Variants in NXN observed in about 807,000 individuals in gnomAD.
The protein encoded by NXN is nucleoredoxin 1.
Under a neutral mutation model 48.6 loss-of-function variants are expected in NXN, and 16 were observed. That is an observed-to-expected ratio of 0.33 (90% CI 0.22 to 0.50). NXN has a LOEUF of 0.50. NXN is among the 20% of genes least tolerant of loss of function. The pLI is 0.98. For missense variants in NXN, 492 were observed against 605.5 expected (o/e 0.81, Z 1.97); for synonymous variants, 281 against 269.6 (o/e 1.04, Z -0.41).
intron 1 of NXN, among the ~76,000 whole-genome samples, chr17:891,786 A>G (rs495514): frequency 5.5e-5 from 4 of 72,614 alleles, no homozygotes; most frequent in East Asian, 3.4e-4. Flanking sequence ...GCAGAACCCA[A>G]CAGGGAACCT....
In NXN at chr17:805,314, G is replaced by GCGGGGTCCAGCC. The variant is rs750999458; in HGVS notation, c.821-79_821-68dup. 9.8e-4 allele frequency: 1,475 copies of GCGGGGTCCAGCC among 1,504,550 alleles called. 11 individuals carry two copies. The highest frequency in any genetic ancestry group is 2.9e-3 in the East Asian group (119 of 41,584). The allele number at this position is 1,504,550 out of a possible 1,614,324, so 93.2% of individuals were successfully genotyped here. On this transcript the variant is annotated intron_variant, in intron 5 of 7. Coordinates refer to ENST00000336868, the MANE Select transcript of NXN (RefSeq NM_022463.5). ...GCTGGCCCTGCCTGGCAGGAGGCTC[G>GCGGGGTCCAGCC]CGGGGTCCAGCCCGGGGTCCCCCCG...
intron 1 of NXN, among the ~76,000 whole-genome samples, chr17:892,676 A>G (rs919077239): frequency 4.6e-5 from 7 of 152,220 alleles, no homozygotes; most frequent in Admixed American, 3.9e-4. Context: ...CGCACATTGT[A>G]GAATGTTCAT....
At chr17:959,106 T>C (rs1597277747) in intron 1 of NXN, 8 of 359,126 alleles carry the variant, frequency 2.2e-5, no homozygotes, top group East Asian at 4.7e-5. Flanking sequence ...GTCGACCTGA[T>C]GTATGGCCAG....
chr17:839,580 G>A (rs909930726), intron 1 of NXN, among the ~76,000 whole-genome samples: 3 of 151,910 alleles, frequency 2.0e-5, no homozygotes, highest in Non-Finnish European at 4.4e-5. Context: ...GGAGGCCAAG[G>A]TGGGTGGGTC....
At chr17:911,013 T>C (rs2068630682) in intron 1 of NXN, 1 of 152,182 alleles carries the variant, frequency 6.6e-6, no homozygotes, top group South Asian at 2.1e-4. Flanking sequence ...AAAGTATTTT[T>C]TTTGCTGATT....
chr17:812,865 T>G lies in NXN; in HGVS notation c.820+6574A>C, dbSNP rs111210202. Among the ~76,000 whole-genome samples, 1,380 of 149,684 alleles carry G rather than the reference T, an allele frequency of 9.2e-3. 18 individuals are homozygous for G. The highest frequency in any genetic ancestry group is 0.026 in the African/African-American group (1,047 of 40,212). ...GTAGGTGTGTGCATGTGTGTAGGTG[T>G]GTGTGGGTGTGTGCGCACATGTGAA... On this transcript the variant is annotated intron_variant, in intron 5 of 7. Transcript: ENST00000336868.
At chr17:944,403 C>T (rs2150609478) in intron 1 of NXN, among the ~76,000 whole-genome samples, 1 of 152,280 alleles carries the variant, frequency 6.6e-6, no homozygotes, top group East Asian at 1.9e-4. Flanking sequence ...AAGGTTTCCG[C>T]AGGTCCGTAC....
rs1177941262 is a variant in NXN, at chr17:801,041, A to T, written c.1216T>A (p.Tyr406Asn). Residue 406 changes from tyrosine to asparagine, a missense_variant, in exon 8 of 8, where the codon TAC becomes AAC. Tyr to Asn is a moderately radical substitution (Grantham distance 143, BLOSUM62 -2). Around this residue, in one of 3 missense-constraint regions of NXN, gnomAD observed 303 missense variants for 388.3 expected, o/e 0.78. Coordinates refer to ENST00000336868, the MANE Select transcript of NXN (RefSeq NM_022463.5). Reference protein sequence around the residue: ...TILDMSARAKYVMDVEEITPA... With the variant: ...TILDMSARAKNVMDVEEITPA... ...GTGATCTCCTCCACGTCCATCACGT[A>T]CTTGGCCCGGGCTGACATGTCCAGG... The T allele has an allele frequency of 6.3e-7, 1 of 1,577,700 alleles. No individual in the cohort carries two copies. The highest frequency in any genetic ancestry group is 1.4e-5 in the African/African-American group (1 of 73,410).
At chr17:955,845 T>A (rs1191211515) in intron 1 of NXN, among the ~76,000 whole-genome samples, 1 of 150,420 alleles carries the variant, frequency 6.6e-6, no homozygotes, top group African/African-American at 2.5e-5. Flanking sequence ...GAGCTTGCAG[T>A]GAGCCGAGAT....
rs2069489806 is a variant in NXN, at chr17:978,603, A to G, written c.360+716T>C. ...AGGAGGCTGGACGGCCAGACAATGC[A>G]AAGCTCCCCGGTGGCCGCGAACTCA... On this transcript the variant is annotated intron_variant, in intron 1 of 7. Coordinates refer to ENST00000336868, the MANE Select transcript of NXN (RefSeq NM_022463.5). This position sits in a 1 kb window ranked among gnomAD's most constrained non-coding sequence, Gnocchi z 4.1. 1 of 152,356 alleles carries G rather than the reference A, an allele frequency of 6.6e-6. No individual in the cohort carries two copies. The highest frequency in any genetic ancestry group is 1.5e-5 in the Non-Finnish European group (1 of 68,134). 9.4% of individuals were successfully genotyped at this position (152,356 alleles called of 1,614,324 possible).
At chr17:833,335 C>A (rs376774246) in intron 1 of NXN, among the ~76,000 whole-genome samples, 22 of 152,212 alleles carry the variant, frequency 1.4e-4, no homozygotes, top group Middle Eastern at 3.4e-3. Context: ...GTGGTCTGCA[C>A]GGGAGTCACC....
chr17:931,266 G>A lies in NXN; in HGVS notation c.360+48053C>T, dbSNP rs574780408. 1.9e-3 allele frequency among the ~76,000 whole-genome samples: 273 copies of A among 144,716 alleles called. 1 individual carries two copies. The highest frequency in any genetic ancestry group is 3.1e-3 in the Non-Finnish European group (208 of 66,168). The allele number at this position is 144,716 out of a possible 152,430, so 94.9% of individuals were successfully genotyped here. On this transcript the variant is annotated intron_variant, in intron 1 of 7. Coordinates refer to ENST00000336868, the MANE Select transcript of NXN (RefSeq NM_022463.5). ...CGCGCCACTGCACTCCAGCCTGGGC[G>A]ACAGAGCGAGACTCCATCCAAAAAA...
At chr17:931,601 C>A (rs892046099) in intron 1 of NXN, among the ~76,000 whole-genome samples, 3 of 150,848 alleles carry the variant, frequency 2.0e-5, no homozygotes, top group Non-Finnish European at 4.4e-5. Context: ...CTTTGGGAGG[C>A]CGAGGTGGGC....
At chr17:957,778 TGGCATGTCTGGAACC>T (rs2069188392) in intron 1 of NXN, among the ~76,000 whole-genome samples, 1 of 152,124 alleles carries the variant, frequency 6.6e-6, no homozygotes, top group Non-Finnish European at 1.5e-5. Flanking sequence ...TCCTGTCCTG[TGGCATGTCTGGAACC>T]CAGACTCTCT....
intron 1 of NXN, among the ~76,000 whole-genome samples, chr17:934,628 C>T (rs538995045): frequency 1.1e-4 from 16 of 152,136 alleles, no homozygotes; most frequent in Non-Finnish European, 1.9e-4. Context: ...AATCCCAGCA[C>T]TTTGGGAGGC....
intron 1 of NXN, among the ~76,000 whole-genome samples, chr17:903,054 G>A (rs2068551429): frequency 6.6e-6 from 1 of 151,426 alleles, no homozygotes; most frequent in Admixed American, 6.6e-5. Context: ...TACAGGCTGA[G>A]CCACCGCACC....
At position 811,128 on chromosome 17, in the gene NXN, G is replaced by A. The variant is rs561924287; in HGVS notation, c.821-5881C>T. Among the ~76,000 whole-genome samples, 10 of 152,322 alleles carry A rather than the reference G, an allele frequency of 6.6e-5. No individual in the cohort carries two copies. In the East Asian group the frequency reaches 7.7e-4, roughly 12 times the overall value. On this transcript the variant is annotated intron_variant, in intron 5 of 7. Coordinates refer to ENST00000336868, the MANE Select transcript of NXN (RefSeq NM_022463.5). ...AAGAAGGAGGCGGAGAAGGCAGAGC[G>A]GGAGGAGGTGGCACAGGAGGGAAGA...
intron 1 of NXN, among the ~76,000 whole-genome samples, chr17:918,406 CT>C (rs1458592599): frequency 6.6e-6 from 1 of 152,192 alleles, no homozygotes; most frequent in Non-Finnish European, 1.5e-5. Flanking sequence ...GTGAACTGGG[CT>C]CAGGGAGGCC....
chr17:926,520 A>G (rs1170267466), intron 1 of NXN, among the ~76,000 whole-genome samples: 2 of 138,716 alleles, frequency 1.4e-5, no homozygotes, highest in African/African-American at 2.7e-5. Flanking sequence ...TAACAGGAGT[A>G]TCCCATGTTT....
Sources: gnomAD v4.1 joint callset for allele counts (sites outside exome capture counted in the v4.1 genomes callset) on GRCh38, gnomAD v4.1.1 for gene constraint, gnomAD v4.1.1 regional missense constraint, Gnocchi (gnomAD v3.1) non-coding constraint, MANE v1.5 for transcripts, NCBI Gene and HGNC (gene_info 2026-07-23, HGNC 2026-07-21) for gene names.